The following GRM8 variants were observed in gnomAD, a reference collection of about 807,000 sequenced individuals.
GRM8 encodes glutamate metabotropic receptor 8.
GRM8 carries 47 observed loss-of-function variants against 87.2 expected under a neutral mutation model. The ratio of observed to expected loss-of-function variants is 0.54; its 90% CI spans 0.43 to 0.69. The LOEUF (loss-of-function observed/expected upper bound fraction) is 0.69, where lower values mean the gene tolerates loss of function less well. Among genes scored for constraint, GRM8 ranks in the 30% least tolerant of loss-of-function variants. GRM8 has a pLI of 0.00. For synonymous variants in GRM8, 396 were observed against 404.5 expected (o/e 0.98, Z 0.25); for missense variants, 1,019 against 1,139.2 (o/e 0.89, Z 1.52).
chr7:126,826,868 G>A (rs1189269212), intron 6 of GRM8, among the ~76,000 whole-genome samples: 1 of 151,480 alleles, frequency 6.6e-6, no homozygotes, highest in Non-Finnish European at 1.5e-5. Context: ...TTTAATTTTT[G>A]TATTAATTGA....
intron 2 of GRM8, among the ~76,000 whole-genome samples, chr7:127,176,177 T>G (rs542888709): frequency 6.6e-6 from 1 of 152,272 alleles, no homozygotes; most frequent in East Asian, 1.9e-4. Flanking sequence ...TTAAAAAAAT[T>G]TTTAAGAAAT....
intron 3 of GRM8, among the ~76,000 whole-genome samples, chr7:127,000,589 G>C (rs1333370958): frequency 2.0e-5 from 3 of 151,614 alleles, no homozygotes; most frequent in Non-Finnish European, 3.0e-5. Context: ...GCATACGCCA[G>C]ATGCAAAAAG....
intron 3 of GRM8, among the ~76,000 whole-genome samples, chr7:126,992,209 G>T (rs1459631965): frequency 6.6e-6 from 1 of 152,158 alleles, no homozygotes; most frequent in Non-Finnish European, 1.5e-5. Context: ...CAAGGTTGGG[G>T]ATGAGGCAAG....
chr7:127,007,138 T>C (rs1164398657), intron 3 of GRM8, among the ~76,000 whole-genome samples: 1 of 151,996 alleles, frequency 6.6e-6, no homozygotes, highest in Non-Finnish European at 1.5e-5. Context: ...CTTTACCCCT[T>C]TCTTTCAGGG....
intron 7 of GRM8, among the ~76,000 whole-genome samples, chr7:126,664,406 C>A (rs1805540603): frequency 6.6e-6 from 1 of 152,026 alleles, no homozygotes; most frequent in South Asian, 2.1e-4. Context: ...GCTAAAGAAA[C>A]AAAAACAACA....
intron 7 of GRM8, among the ~76,000 whole-genome samples, chr7:126,647,217 C>T (rs1803212718): frequency 6.6e-6 from 1 of 151,686 alleles, no homozygotes; most frequent in African/African-American, 2.4e-5. Flanking sequence ...ACAGCAAGAC[C>T]CCCCTAAATC....
chr7:126,758,539 A>C (rs938194889), intron 7 of GRM8, among the ~76,000 whole-genome samples: 1 of 152,206 alleles, frequency 6.6e-6, no homozygotes, highest in South Asian at 2.1e-4. Context: ...AAGAGGAGAG[A>C]AAAAGAATTT....
intron 7 of GRM8, among the ~76,000 whole-genome samples, chr7:126,707,296 A>T (rs1810626428): frequency 6.6e-6 from 1 of 151,488 alleles, no homozygotes; most frequent in Non-Finnish European, 1.5e-5. Context: ...GTGTACAAGT[A>T]TTTTTTTTTA....
intron 2 of GRM8, among the ~76,000 whole-genome samples, chr7:127,137,439 A>T (rs1401196828): frequency 6.6e-6 from 1 of 152,140 alleles, no homozygotes; most frequent in African/African-American, 2.4e-5. Flanking sequence ...CTAACACAAC[A>T]CATAGCATAT....
chr7:126,463,876 T>C (rs1428884985), intron 9 of GRM8, among the ~76,000 whole-genome samples: 1 of 151,676 alleles, frequency 6.6e-6, no homozygotes, highest in Non-Finnish European at 1.5e-5. Context: ...TCTCTGAATA[T>C]CTAAGAAAAA....
At chr7:126,855,950 A>G (rs1797641594) in intron 6 of GRM8, among the ~76,000 whole-genome samples, 1 of 152,146 alleles carries the variant, frequency 6.6e-6, no homozygotes, top group Non-Finnish European at 1.5e-5. Context: ...TCCTGATGCC[A>G]TTTGCCATGT....
intron 7 of GRM8, among the ~76,000 whole-genome samples, chr7:126,687,038 G>A (rs1168311747): frequency 6.6e-6 from 1 of 152,090 alleles, no homozygotes; most frequent in Non-Finnish European, 1.5e-5. Flanking sequence ...TACATACACA[G>A]AAAACTGAAT....
intron 8 of GRM8, among the ~76,000 whole-genome samples, chr7:126,577,807 A>G (rs979168003): frequency 3.9e-5 from 6 of 152,074 alleles, no homozygotes; most frequent in African/African-American, 7.2e-5. Context: ...TCTCAATTCA[A>G]AGCATTTTTT....
intron 2 of GRM8, among the ~76,000 whole-genome samples, chr7:127,121,714 C>T (rs377649955): frequency 3.1e-4 from 47 of 152,154 alleles, no homozygotes; most frequent in African/African-American, 8.2e-4. Context: ...AGAGAGTGCA[C>T]GCAAAGGGGG....
At chr7:126,560,649 CT>C (rs1456479882) in intron 8 of GRM8, among the ~76,000 whole-genome samples, 2 of 152,106 alleles carry the variant, frequency 1.3e-5, no homozygotes, top group African/African-American at 2.4e-5. Context: ...TAACAGATTT[CT>C]CCAAGAAGAC....
At chr7:126,930,660 C>T (rs1805669944) in intron 3 of GRM8, among the ~76,000 whole-genome samples, 1 of 152,178 alleles carries the variant, frequency 6.6e-6, no homozygotes, top group Non-Finnish European at 1.5e-5. Flanking sequence ...TTCATGGCCA[C>T]TTTTCCTTCT....
chr7:126,466,264 A>C (rs6950510), intron 9 of GRM8, among the ~76,000 whole-genome samples: 5 of 151,698 alleles, frequency 3.3e-5, no homozygotes, highest in African/African-American at 1.2e-4. Context: ...ACAGGTTATT[A>C]ATAGGATATA....
intron 8 of GRM8, among the ~76,000 whole-genome samples, chr7:126,601,251 C>T (rs12381411): frequency 0.32 from 48,738 of 151,700 alleles, 8,457 homozygotes; most frequent in East Asian, 0.44. Context: ...TCCCTACAAA[C>T]GACATGAACT....
chr7:126,612,521 T>C (rs1459311291), intron 7 of GRM8, among the ~76,000 whole-genome samples: 1 of 152,192 alleles, frequency 6.6e-6, no homozygotes, highest in Non-Finnish European at 1.5e-5. Flanking sequence ...CAACCACCTC[T>C]TTATGTCCTA....
Sources: allele counts gnomAD v4.1 joint callset (sites outside exome capture counted in the v4.1 genomes callset), GRCh38; gene constraint gnomAD v4.1.1; transcripts MANE v1.5; gene names NCBI Gene and HGNC (gene_info 2026-07-23, HGNC 2026-07-21).